The following NR3C2 variants were observed in gnomAD, a reference collection of about 807,000 sequenced individuals.
NR3C2 encodes the protein mineralocorticoid receptor.
In NR3C2, 15 loss-of-function variants were observed where a neutral mutation model predicts 86.4. The observed-to-expected ratio is 0.17, with a 90% CI of 0.12 to 0.27. The LOEUF is 0.27. NR3C2 is among the 10% of genes least tolerant of loss of function. NR3C2 has a pLI of 1.00. For missense variants in NR3C2, 960 were observed against 1,195.6 expected (o/e 0.80, Z 2.91); for synonymous variants, 458 against 450.5 (o/e 1.02, Z -0.21).
At chr4:148,103,914 C>G (rs904481970) in intron 8 of NR3C2, among the ~76,000 whole-genome samples, 1 of 152,174 alleles carries the variant, frequency 6.6e-6, no homozygotes, top group Non-Finnish European at 1.5e-5. Context: ...CCATGCTTTT[C>G]CTTCACGCTG....
chr4:148,375,720 C>A (rs1746644260), intron 2 of NR3C2, among the ~76,000 whole-genome samples: 1 of 151,856 alleles, frequency 6.6e-6, no homozygotes, highest in Admixed American at 6.6e-5. Flanking sequence ...TTAAAAAAAA[C>A]AGTTTCAAAA....
At chr4:148,348,339 T>C (rs1259169371) in intron 2 of NR3C2, among the ~76,000 whole-genome samples, 1 of 152,180 alleles carries the variant, frequency 6.6e-6, no homozygotes, top group Non-Finnish European at 1.5e-5. Flanking sequence ...GTGATTTATG[T>C]CCAATTCACC....
rs79791610 is a variant in NR3C2, at chr4:148,222,713, C to T, written c.1898-27851G>A. 7.6e-3 allele frequency among the ~76,000 whole-genome samples: 1,154 copies of T among 152,294 alleles called. 9 individuals carry two copies. The highest frequency in any genetic ancestry group is 0.025 in the African/African-American group (1,029 of 41,566). Reference sequence around the variant, plus strand: ...ACCTCATTTAATTCAGGTAAGTTTACACCTTGCCATTTGAAATGTTTACAT... The same window carrying T: ...ACCTCATTTAATTCAGGTAAGTTTATACCTTGCCATTTGAAATGTTTACAT... On this transcript the variant is annotated intron_variant, in intron 3 of 8. Coordinates refer to ENST00000358102, the MANE Select transcript of NR3C2 (RefSeq NM_000901.5).
At chr4:148,405,713 A>G (rs1232893929) in intron 2 of NR3C2, among the ~76,000 whole-genome samples, 1 of 152,196 alleles carries the variant, frequency 6.6e-6, no homozygotes, top group Non-Finnish European at 1.5e-5. Context: ...AAAATCTCCA[A>G]AGGGAAGTAA....
chr4:148,227,601 T>C (rs1014794149), intron 3 of NR3C2, among the ~76,000 whole-genome samples: 2 of 152,144 alleles, frequency 1.3e-5, no homozygotes. Context: ...CCAAGTAGTG[T>C]TTTTCTATTT....
intron 4 of NR3C2, among the ~76,000 whole-genome samples, chr4:148,171,138 A>G (rs770852305): frequency 6.6e-6 from 1 of 152,220 alleles, no homozygotes; most frequent in Non-Finnish European, 1.5e-5. Context: ...CACTTCCTTC[A>G]GCTGTGTTGC....
chr4:148,145,548 C>T (rs550988322), intron 6 of NR3C2, among the ~76,000 whole-genome samples: 1 of 152,350 alleles, frequency 6.6e-6, no homozygotes, highest in Admixed American at 6.5e-5. Context: ...GCCTCAGTCT[C>T]TCCTTCTGCC....
At chr4:148,268,784 A>G (rs1166852336) in intron 2 of NR3C2, among the ~76,000 whole-genome samples, 1 of 152,238 alleles carries the variant, frequency 6.6e-6, no homozygotes, top group East Asian at 1.9e-4. Flanking sequence ...TAATGATTCT[A>G]GGACAAAGAG....
intron 2 of NR3C2, among the ~76,000 whole-genome samples, chr4:148,391,087 T>C (rs1474685780): frequency 6.6e-6 from 1 of 152,224 alleles, no homozygotes; most frequent in African/African-American, 2.4e-5. Context: ...TGCTTTCCCA[T>C]AGAGGAACTG....
chr4:148,372,002 G>C (rs1394148397), intron 2 of NR3C2, among the ~76,000 whole-genome samples: 1 of 151,978 alleles, frequency 6.6e-6, no homozygotes, highest in Non-Finnish European at 1.5e-5. Context: ...TGGCCTCCTA[G>C]TCAGAACAGA....
chr4:148,386,680 G>A (rs920120411), intron 2 of NR3C2, among the ~76,000 whole-genome samples: 3 of 152,180 alleles, frequency 2.0e-5, no homozygotes, highest in African/African-American at 4.8e-5. Context: ...CCCCGCGGTC[G>A]CCTAACTCAG....
At chr4:148,402,909 A>C (rs1392604206) in intron 2 of NR3C2, among the ~76,000 whole-genome samples, 2 of 152,138 alleles carry the variant, frequency 1.3e-5, no homozygotes, top group African/African-American at 4.8e-5. Flanking sequence ...GAAAAGTCTT[A>C]AAGGATACAC....
intron 4 of NR3C2, among the ~76,000 whole-genome samples, chr4:148,189,011 T>C (rs1052719106): frequency 1.4e-5 from 2 of 145,942 alleles, no homozygotes; most frequent in Non-Finnish European, 3.0e-5. Flanking sequence ...CATTGCAACC[T>C]CCGCCTCCTG....
intron 2 of NR3C2, among the ~76,000 whole-genome samples, chr4:148,312,863 T>C (rs1742971298): frequency 6.6e-6 from 1 of 152,192 alleles, no homozygotes. Context: ...GAAAAGCATA[T>C]GTCTTTAGTT....
At chr4:148,221,893 TAAAAAAAAA>T (rs11378484) in intron 3 of NR3C2, among the ~76,000 whole-genome samples, 2 of 122,700 alleles carry the variant, frequency 1.6e-5, no homozygotes, top group African/African-American at 6.2e-5. Flanking sequence ...GACTCTGTCT[TAAAAAAAAA>T]AAAAAAAAAA....
chr4:148,354,342 GTGA>G (rs1312108877), intron 2 of NR3C2, among the ~76,000 whole-genome samples: 2 of 152,002 alleles, frequency 1.3e-5, no homozygotes, highest in African/African-American at 2.4e-5. Context: ...TGTGTTATCA[GTGA>G]GACTTCTGGT....
At chr4:148,284,425 A>T (rs946476189) in intron 2 of NR3C2, among the ~76,000 whole-genome samples, 1 of 152,166 alleles carries the variant, frequency 6.6e-6, no homozygotes, top group African/African-American at 2.4e-5. Flanking sequence ...AACATGTCTG[A>T]GTGTCGATAG....
At chr4:148,151,897 G>A (rs1734119111) in intron 6 of NR3C2, among the ~76,000 whole-genome samples, 1 of 152,220 alleles carries the variant, frequency 6.6e-6, no homozygotes, top group South Asian at 2.1e-4. Flanking sequence ...GGAATTTGTG[G>A]CCAAAGAAAA....
At chr4:148,170,783 G>C (rs1006976409) in intron 4 of NR3C2, among the ~76,000 whole-genome samples, 3 of 152,134 alleles carry the variant, frequency 2.0e-5, no homozygotes, top group Non-Finnish European at 4.4e-5. Context: ...AGTCTTAGTA[G>C]TAGGGCCACA....
Sources: gnomAD v4.1 joint callset for allele counts (sites outside exome capture counted in the v4.1 genomes callset) on GRCh38, gnomAD v4.1.1 for gene constraint, MANE v1.5 for transcripts, NCBI Gene and HGNC (gene_info 2026-07-23, HGNC 2026-07-21) for gene names.